The following CRACD variants were observed in gnomAD, a reference collection of about 807,000 sequenced individuals.
The protein encoded by CRACD is capping protein inhibiting regulator of actin dynamics, also known as capping protein-inhibiting regulator of actin dynamics.
Under a neutral mutation model 106.8 loss-of-function variants are expected in CRACD, and 56 were observed. The ratio of observed to expected loss-of-function variants is 0.52; its 90% CI spans 0.42 to 0.66. The LOEUF (loss-of-function observed/expected upper bound fraction) is 0.66, where lower values mean the gene tolerates loss of function less well. CRACD is among the 30% of genes least tolerant of loss of function. The pLI, the probability that CRACD is intolerant of heterozygous loss-of-function variation, is 0.00. For synonymous variants in CRACD, 754 were observed against 670.8 expected (o/e 1.12, Z -1.92); for missense variants, 1,730 against 1,623.2 (o/e 1.07, Z -1.13).
intron 3 of CRACD, among the ~76,000 whole-genome samples, chr4:56,281,530 A>G (rs1389780818): frequency 1.4e-5 from 2 of 141,410 alleles, no homozygotes; most frequent in Non-Finnish European, 3.0e-5. Context: ...TCACCTAGCT[A>G]GCGCCTTCGT....
chr4:56,130,075 AG>A (rs1734777665), intron 1 of CRACD, among the ~76,000 whole-genome samples: 1 of 152,200 alleles, frequency 6.6e-6, no homozygotes, highest in Admixed American at 6.5e-5. Context: ...GTTTGCGACC[AG>A]CTTGGGCAAC....
intron 4 of CRACD, 63 bp from the exon 5 acceptor site, chr4:56,307,472 C>G: frequency 6.4e-7 from 1 of 1,557,788 alleles, no homozygotes; most frequent in Admixed American, 1.7e-5. Context: ...GCTGGAGAAC[C>G]TGGTTGTGGT....
intron 5 of CRACD, 138 bp from the exon 6 acceptor site, chr4:56,310,528 C>T: frequency 1.5e-6 from 1 of 645,720 alleles, no homozygotes; most frequent in Non-Finnish European, 2.8e-6. Context: ...TCCACTGGGA[C>T]ACCTGCTGGC....
At chr4:56,133,446 CATCA>C (rs1454572637) in intron 1 of CRACD, among the ~76,000 whole-genome samples, 1 of 152,106 alleles carries the variant, frequency 6.6e-6, no homozygotes, top group Non-Finnish European at 1.5e-5. Flanking sequence ...CACTGTCTCC[CATCA>C]ATCAATCAAG....
At chr4:56,287,044 A>G (rs73817474) in intron 3 of CRACD, among the ~76,000 whole-genome samples, 4,376 of 152,262 alleles carry the variant, frequency 0.029, 206 homozygotes, top group African/African-American at 0.099. Flanking sequence ...CACAGAAACA[A>G]GCCCTTCAAA....
chr4:56,236,721 A>C (rs1243723981), intron 2 of CRACD, among the ~76,000 whole-genome samples: 1 of 152,206 alleles, frequency 6.6e-6, no homozygotes, highest in Non-Finnish European at 1.5e-5. Context: ...GCAACCAATA[A>C]AAATATTTTC....
chr4:56,066,288 T>C (rs1242876494), intron 1 of CRACD, among the ~76,000 whole-genome samples: 1 of 152,206 alleles, frequency 6.6e-6, no homozygotes, highest in Admixed American at 6.5e-5. Context: ...AACTGTATTA[T>C]TACTTCTCTT....
At chr4:56,270,094 C>G (rs1742260292) in intron 2 of CRACD, among the ~76,000 whole-genome samples, 2 of 152,326 alleles carry the variant, frequency 1.3e-5, no homozygotes, top group South Asian at 4.1e-4. Flanking sequence ...CTGTTTGCAC[C>G]TGTACTAATG....
intron 1 of CRACD, among the ~76,000 whole-genome samples, chr4:56,049,535 C>G (rs1731797330): frequency 6.6e-6 from 1 of 152,076 alleles, no homozygotes; most frequent in African/African-American, 2.4e-5. Context: ...TTTGGATCCC[C>G]GCAGGGGAAC....
In CRACD at chr4:56,323,400, C is replaced by T. The variant is rs1746228532; in HGVS notation, c.3211C>T (p.His1071Tyr). 1 of 1,606,544 alleles carries T rather than the reference C, an allele frequency of 6.2e-7. No individual in the cohort carries two copies. Among genetic ancestry groups the T allele is most frequent in the Non-Finnish European group, 8.5e-7 (1 of 1,178,206 alleles). ...AGAGAAGCCGATGCTTCAGAGCAGA[C>T]ACTCCTTAGATGGCTCCAAACTTAC... ...RKEKPMLQSR[H>Y]SLDGSKLTEK... Residue 1071 changes from histidine to tyrosine, a missense_variant, in exon 9 of 11, where the codon CAC becomes TAC. Transcript: ENST00000682029.
At chr4:56,200,472 A>T (rs555551653) in intron 2 of CRACD, among the ~76,000 whole-genome samples, 2 of 152,288 alleles carry the variant, frequency 1.3e-5, no homozygotes, top group Admixed American at 1.3e-4. Flanking sequence ...AAGTTGCCAT[A>T]GGATATGAGT....
chr4:56,189,160 A>T (rs1211360686), intron 2 of CRACD, among the ~76,000 whole-genome samples: 12 of 151,718 alleles, frequency 7.9e-5, no homozygotes, highest in Non-Finnish European at 1.8e-4. Context: ...TGTAGCCTAG[A>T]CAATGGGAGT....
At chr4:56,280,281 C>G (rs1742959419) in intron 3 of CRACD, among the ~76,000 whole-genome samples, 2 of 151,712 alleles carry the variant, frequency 1.3e-5, no homozygotes, top group South Asian at 4.2e-4. Flanking sequence ...TACCCTAAAA[C>G]TTAAAGTATA....
chr4:56,151,865 AG>A (rs1735590785), intron 1 of CRACD, among the ~76,000 whole-genome samples: 1 of 152,182 alleles, frequency 6.6e-6, no homozygotes, highest in Non-Finnish European at 1.5e-5. Context: ...GTATTTTCCC[AG>A]GAATCTCACA....
chr4:56,113,639 GC>G (rs1734191337), intron 1 of CRACD, among the ~76,000 whole-genome samples: 1 of 152,090 alleles, frequency 6.6e-6, no homozygotes, highest in Non-Finnish European at 1.5e-5. Context: ...CATCTTGGTG[GC>G]CTGATAGCAC....
At chr4:56,242,534 T>A (rs1401484739) in intron 2 of CRACD, among the ~76,000 whole-genome samples, 1 of 152,094 alleles carries the variant, frequency 6.6e-6, no homozygotes, top group Non-Finnish European at 1.5e-5. Context: ...TGAACAGTGG[T>A]GCAGGAATGG....
At chr4:56,133,927 C>T (rs1734909224) in intron 1 of CRACD, among the ~76,000 whole-genome samples, 4 of 151,984 alleles carry the variant, frequency 2.6e-5, no homozygotes, top group Admixed American at 2.6e-4. Context: ...CTTGGCGGGG[C>T]GGGGTGGCTC....
intron 8 of CRACD, 145 bp from the exon 9 acceptor site, chr4:56,323,232 G>T: frequency 1.7e-6 from 1 of 600,130 alleles, no homozygotes; most frequent in Non-Finnish European, 2.8e-6. Context: ...AGCCACTCAG[G>T]CATCAGCACA....
chr4:56,112,848 G>T (rs1734163739), intron 1 of CRACD, among the ~76,000 whole-genome samples: 1 of 152,050 alleles, frequency 6.6e-6, no homozygotes, highest in Non-Finnish European at 1.5e-5. Context: ...TATGCTTGGA[G>T]GGCCCCATGG....
Sources: allele counts gnomAD v4.1 joint callset (sites outside exome capture counted in the v4.1 genomes callset), GRCh38; gene constraint gnomAD v4.1.1; transcripts MANE v1.5; gene names NCBI Gene and HGNC (gene_info 2026-07-23, HGNC 2026-07-21).